The following SMYD3 variants were observed in gnomAD, a reference collection of about 807,000 sequenced individuals.
SMYD3 encodes SET and MYND domain containing 3, also known as histone-lysine N-methyltransferase SMYD3.
Under a neutral mutation model 57.7 loss-of-function variants are expected in SMYD3, and 36 were observed. The observed-to-expected ratio is 0.62, with a 90% CI of 0.48 to 0.82. SMYD3 has a LOEUF of 0.82. SMYD3 is among the 40% of genes least tolerant of loss of function. The probability of loss-of-function intolerance (pLI) is 0.00; values close to 1 mark genes in which losing one functional copy is unlikely to be tolerated. For missense variants in SMYD3, 515 were observed against 538.8 expected (o/e 0.96, Z 0.44); for synonymous variants, 211 against 195.0 (o/e 1.08, Z -0.68).
chr1:245,786,216 G>GGA lies in SMYD3; in HGVS notation c.1077-22068_1077-22067insTC, dbSNP rs560770438. ...CTGAGTTGAGTTGGGGTGTGGACGGGGGGGGGATGGTGGCAACAGAATATT... is the reference window on the plus strand; with the variant it reads ...CTGAGTTGAGTTGGGGTGTGGACGGGGAGGGGGGATGGTGGCAACAGAATATT... On this transcript the variant is annotated intron_variant, in intron 10 of 11. Transcript: ENST00000490107. Among the ~76,000 whole-genome samples the GGA allele has an allele frequency of 4.7e-3, 649 of 138,420 alleles. 32 individuals are homozygous for GGA. Among genetic ancestry groups the GGA allele is most frequent in the African/African-American group, 0.016 (617 of 38,730 alleles). The allele number at this position is 138,420 out of a possible 152,430, so 90.8% of individuals were successfully genotyped here.
intron 5 of SMYD3, among the ~76,000 whole-genome samples, chr1:246,128,602 C>A (rs562727920): frequency 6.6e-6 from 1 of 152,264 alleles, no homozygotes; most frequent in South Asian, 2.1e-4. Context: ...AGAGAGAGTA[C>A]AACAGCTGTT....
At chr1:246,363,551 A>G (rs1462631373) in intron 1 of SMYD3, among the ~76,000 whole-genome samples, 1 of 152,156 alleles carries the variant, frequency 6.6e-6, no homozygotes, top group Non-Finnish European at 1.5e-5. Flanking sequence ...TAGACATGGG[A>G]GACTTTTCAT....
At chr1:246,326,869 C>T (rs767438568) in intron 5 of SMYD3, 5 of 338,836 alleles carry the variant, frequency 1.5e-5, no homozygotes, top group Non-Finnish European at 2.7e-5. Context: ...TGCAATGCAA[C>T]GGCAAACAAG....
intron 5 of SMYD3, among the ~76,000 whole-genome samples, chr1:246,193,932 A>G (rs1023081282): frequency 6.6e-6 from 1 of 152,220 alleles, no homozygotes; most frequent in African/African-American, 2.4e-5. Flanking sequence ...AAAGCAGCAA[A>G]GCATTCTAAA....
intron 5 of SMYD3, among the ~76,000 whole-genome samples, chr1:246,006,621 C>T (rs1006062866): frequency 6.6e-6 from 1 of 152,120 alleles, no homozygotes. Context: ...CTGCAGCCTT[C>T]CTGATGTGTG....
intron 5 of SMYD3, among the ~76,000 whole-genome samples, chr1:246,047,844 GAAAA>G (rs33946218): frequency 0.46 from 67,005 of 146,314 alleles, 16,135 homozygotes; most frequent in East Asian, 0.8. Flanking sequence ...GTAGCAGAAG[GAAAA>G]AAAAAAAAAT....
chr1:246,369,405 T>C (rs1243607156), intron 1 of SMYD3, among the ~76,000 whole-genome samples: 1 of 152,196 alleles, frequency 6.6e-6, no homozygotes, highest in Admixed American at 6.5e-5. Flanking sequence ...ATTTCAGAAT[T>C]TTTAAAAATT....
At chr1:246,228,726 G>A (rs1468144333) in intron 5 of SMYD3, among the ~76,000 whole-genome samples, 1 of 152,072 alleles carries the variant, frequency 6.6e-6, no homozygotes, top group African/African-American at 2.4e-5. Flanking sequence ...AAGTTTCTCA[G>A]AGAAAACAAG....
chr1:246,114,780 C>T (rs61016115), intron 5 of SMYD3, among the ~76,000 whole-genome samples: 72,683 of 151,860 alleles, frequency 0.48, 20,961 homozygotes, highest in Non-Finnish European at 0.66. Flanking sequence ...TACAGGCGCC[C>T]GCCACCACGC....
intron 5 of SMYD3, among the ~76,000 whole-genome samples, chr1:245,936,777 T>C (rs2147876007): frequency 6.6e-6 from 1 of 150,482 alleles, no homozygotes; most frequent in South Asian, 2.1e-4. Flanking sequence ...CACCTACCTG[T>C]AGGTCCAGCT....
chr1:246,442,749 G>A (rs12569118), intron 1 of SMYD3, among the ~76,000 whole-genome samples: 1 of 152,120 alleles, frequency 6.6e-6, no homozygotes, highest in African/African-American at 2.4e-5. Flanking sequence ...TTATGAATAA[G>A]TGAAGCAGAC....
At chr1:246,055,556 T>G (rs1312786948) in intron 5 of SMYD3, among the ~76,000 whole-genome samples, 2 of 152,262 alleles carry the variant, frequency 1.3e-5, no homozygotes, top group Non-Finnish European at 2.9e-5. Context: ...GGCACACCTT[T>G]GCTCGCTGCA....
intron 10 of SMYD3, among the ~76,000 whole-genome samples, chr1:245,811,622 C>T (rs1401839090): frequency 1.3e-5 from 2 of 152,132 alleles, no homozygotes; most frequent in African/African-American, 4.8e-5. Context: ...GTTCCATTTC[C>T]ACCCTCTCTC....
intron 5 of SMYD3, chr1:246,186,906 T>G: frequency 1.0e-6 from 1 of 985,374 alleles, no homozygotes; most frequent in Non-Finnish European, 1.2e-6. Context: ...TTAGAGTCAT[T>G]ATGCAAGAGG....
At chr1:245,898,681 A>G (rs2053989453) in intron 8 of SMYD3, among the ~76,000 whole-genome samples, 1 of 152,234 alleles carries the variant, frequency 6.6e-6, no homozygotes, top group Non-Finnish European at 1.5e-5. Flanking sequence ...CAGAGCTTTG[A>G]TAGACTGATA....
chr1:246,498,730 CAAAAA>C (rs1247516323), intron 1 of SMYD3, among the ~76,000 whole-genome samples: 1 of 68,086 alleles, frequency 1.5e-5, no homozygotes, highest in Non-Finnish European at 3.2e-5. Context: ...GACTCCGTCT[CAAAAA>C]AAAAAAAAAA....
chr1:246,358,267 A>G (rs1455513891), intron 1 of SMYD3, among the ~76,000 whole-genome samples: 1 of 152,212 alleles, frequency 6.6e-6, no homozygotes, highest in Non-Finnish European at 1.5e-5. Flanking sequence ...AAATATCACA[A>G]TCCAAAATAT....
chr1:245,938,419 A>T (rs939502261), intron 5 of SMYD3, among the ~76,000 whole-genome samples: 1 of 152,234 alleles, frequency 6.6e-6, no homozygotes, highest in Non-Finnish European at 1.5e-5. Context: ...GCCAGGGAAG[A>T]ACAAACACAG....
chr1:245,771,015 A>G (rs867846302), intron 10 of SMYD3, among the ~76,000 whole-genome samples: 6 of 152,034 alleles, frequency 3.9e-5, no homozygotes, highest in African/African-American at 1.4e-4. Flanking sequence ...AAATGAGAGA[A>G]AGGAGAGAAT....
Sources: allele counts gnomAD v4.1 joint callset (sites outside exome capture counted in the v4.1 genomes callset), GRCh38; gene constraint gnomAD v4.1.1; transcripts MANE v1.5; gene names NCBI Gene and HGNC (gene_info 2026-07-23, HGNC 2026-07-21).